AP3D1: variants seen among roughly 807,000 people sequenced by gnomAD.
AP3D1 encodes AP-3 complex subunit delta-1.
In AP3D1, 51 loss-of-function variants were observed where a neutral mutation model predicts 147.6. The observed-to-expected ratio is 0.35, with a 90% CI of 0.28 to 0.44. The LOEUF is 0.44. AP3D1 is among the 20% of genes least tolerant of loss of function. The pLI is 1.00. For synonymous variants in AP3D1, 760 were observed against 663.0 expected, an observed-to-expected ratio of 1.15 and a Z score of -2.25; for missense variants, 1,421 against 1,624.2, an observed-to-expected ratio of 0.87 and a Z score of 2.15.
intron 1 of AP3D1, among the ~76,000 whole-genome samples, chr19:2,160,374 C>G (rs983414538): frequency 1.3e-5 from 2 of 152,048 alleles, no homozygotes; most frequent in Non-Finnish European, 2.9e-5. Flanking sequence ...ACTAAAAATA[C>G]AAAAATCAGC....
At chr19:2,150,056 G>A (rs1225891798) in intron 1 of AP3D1, among the ~76,000 whole-genome samples, 1 of 152,220 alleles carries the variant, frequency 6.6e-6, no homozygotes, top group East Asian at 1.9e-4. Context: ...GGGGGCAGGC[G>A]AAGCCACACC....
chr19:2,111,142 G>A, intron 26 of AP3D1, 143 bp downstream of exon 26: 2 of 1,129,782 alleles, frequency 1.8e-6, no homozygotes, highest in Non-Finnish European at 2.5e-6. Context: ...CAGAGGTGCT[G>A]CCCAAGCAAC....
At position 2,127,408 on chromosome 19, in the gene AP3D1, C is replaced by T. The variant is rs372118243; in HGVS notation, c.807-207G>A. On this transcript the variant is annotated intron_variant, in intron 8 of 31. Transcript: ENST00000643116. Reference sequence around the variant, plus strand: ...TCCCAGAAAGGGCAGGTGAGCAATCCCTCTGCAACTGCAGGCCCGTGACAG... The same window carrying T: ...TCCCAGAAAGGGCAGGTGAGCAATCTCTCTGCAACTGCAGGCCCGTGACAG... 3.7e-4 allele frequency among the ~76,000 whole-genome samples: 57 copies of T among 152,366 alleles called. 1 individual carries two copies. The highest frequency in any genetic ancestry group is 1.1e-3 in the African/African-American group (45 of 41,586).
chr19:2,113,416 G>A lies in AP3D1; in HGVS notation c.2602-3C>T. The A allele has an allele frequency of 6.8e-7, 1 of 1,466,928 alleles. No homozygotes were observed. The highest frequency in any genetic ancestry group is 9.0e-7 in the Non-Finnish European group (1 of 1,110,104). The allele number at this position is 1,466,928 out of a possible 1,614,324, so 90.9% of individuals were successfully genotyped here. A position where few individuals can be genotyped will look rare whatever the true frequency, so the allele number is the denominator to read the frequency against. ...AGCCAGAAGTCCAGGTCCTCAGCCTGAAACCACAAGACAGGCTGTCAGCAA... is the reference window on the plus strand; with the variant it reads ...AGCCAGAAGTCCAGGTCCTCAGCCTAAAACCACAAGACAGGCTGTCAGCAA... On this transcript the variant is annotated splice_region_variant and splice_polypyrimidine_tract_variant and intron_variant, in intron 22 of 31. Coordinates refer to ENST00000643116, the MANE Select transcript of AP3D1 (RefSeq NM_001261826.3).
intron 1 of AP3D1, among the ~76,000 whole-genome samples, chr19:2,160,248 C>T (rs111714803): frequency 0.04 from 6,047 of 152,230 alleles, 396 homozygotes; most frequent in African/African-American, 0.14. Flanking sequence ...TGGGAGGAGG[C>T]CAGGTGTGGT....
At chr19:2,155,267 A>G (rs987951127), upstream of AP3D1, among the ~76,000 whole-genome samples, 23 of 152,036 alleles carry the variant, frequency 1.5e-4, no homozygotes, top group Non-Finnish European at 2.9e-4. Context: ...AGGCTGAGGC[A>G]GGAGAATAGC....
chr19:2,116,787 G>C, intron 16 of AP3D1, 41 bp from the exon 17 acceptor site: 1 of 1,559,092 alleles, frequency 6.4e-7, no homozygotes, highest in Non-Finnish European at 8.7e-7. Context: ...GTGTGTGACC[G>C]AGCACGCGCC....
intron 21 of AP3D1, 126 bp downstream of exon 21, chr19:2,114,622 G>GGCCCCCCCCC: frequency 4.5e-6 from 3 of 665,748 alleles, no homozygotes; most frequent in Admixed American, 2.3e-5. Flanking sequence ...TCTGGGGAAG[G>GGCCCCCCCCC]CCCGCCCGCA....
chr19:2,121,080 G>C lies in AP3D1; in HGVS notation c.1263C>G (p.Ile421Met). Residue 421 changes from isoleucine to methionine, a missense_variant, in exon 14 of 32, where the codon ATC becomes ATG. Physicochemically the swap from Ile to Met is conservative, Grantham distance 10. Coordinates refer to ENST00000643116, the MANE Select transcript of AP3D1 (RefSeq NM_001261826.3). ...YITNFEWYIS[I>M]LVELTRLEGT... ...CCTCCAGCCGGGTCAGCTCCACCAG[G>C]ATGCTGATGTACCTGTGGGGCAGAG... 6.2e-7 allele frequency: 1 copy of C among 1,613,774 alleles called. No homozygotes were observed. The highest frequency in any genetic ancestry group is 8.5e-7 in the Non-Finnish European group (1 of 1,179,960).
chr19:2,124,637 G>A (rs1033869049), intron 9 of AP3D1, among the ~76,000 whole-genome samples: 6 of 152,234 alleles, frequency 3.9e-5, no homozygotes, highest in South Asian at 2.1e-4. Context: ...CTATGAGGAC[G>A]CAAAAGCATA....
chr19:2,112,755 C>A, intron 24 of AP3D1, 105 bp downstream of exon 24: 1 of 812,940 alleles, frequency 1.2e-6, no homozygotes. Context: ...AATGCGAGAG[C>A]AGGGCTGCCC....
intron 1 of AP3D1, among the ~76,000 whole-genome samples, chr19:2,159,934 T>C (rs2019682428): frequency 6.6e-6 from 1 of 152,078 alleles, no homozygotes; most frequent in South Asian, 2.1e-4. Flanking sequence ...GCCAGAATGG[T>C]CTCGATCTCC....
At chr19:2,153,111 A>C (rs987148473), upstream of AP3D1, among the ~76,000 whole-genome samples, 1 of 151,176 alleles carries the variant, frequency 6.6e-6, no homozygotes, top group Non-Finnish European at 1.5e-5. Flanking sequence ...CAGTGGTTCA[A>C]ACCAGTAATT....
At chr19:2,130,261 G>T in intron 6 of AP3D1, 147 bp downstream of exon 6, 2 of 1,289,288 alleles carry the variant, frequency 1.6e-6, no homozygotes, top group Non-Finnish European at 2.1e-6. Context: ...CCAGCAAGGG[G>T]AGGCCCAGCC....
intron 15 of AP3D1, among the ~76,000 whole-genome samples, 170 bp from the exon 16 acceptor site, chr19:2,117,537 G>A (rs1205759479): frequency 3.9e-5 from 6 of 152,178 alleles, no homozygotes; most frequent in Admixed American, 3.3e-4. Flanking sequence ...CATCATCCTC[G>A]CCAGGAAGCG....
chr19:2,155,141 A>C (rs1048939967), upstream of AP3D1, among the ~76,000 whole-genome samples: 2 of 151,136 alleles, frequency 1.3e-5, no homozygotes, highest in South Asian at 2.1e-4. Flanking sequence ...AGATCGCGCC[A>C]TTGCACTCCA....
chr19:2,109,459 G>T lies in AP3D1; in HGVS notation c.3351-252C>A, dbSNP rs561612113. ...GAAGCCATGGGATGGGCCCTCCTCC[G>T]ACAAGGACGGATGTCCTGTAGGAAG... is the stretch of plus-strand genomic sequence containing the variant. On this transcript the variant is annotated intron_variant, in intron 29 of 31. Transcript: ENST00000643116. 5 of 519,142 alleles carry T rather than the reference G, an allele frequency of 9.6e-6. No individual in the cohort carries two copies. In the East Asian group the frequency reaches 1.0e-4, roughly 10 times the overall value. 32.2% of individuals were successfully genotyped at this position (519,142 alleles called of 1,614,324 possible).
At chr19:2,149,969 G>A (rs1292000804) in intron 1 of AP3D1, among the ~76,000 whole-genome samples, 3 of 152,234 alleles carry the variant, frequency 2.0e-5, no homozygotes, top group South Asian at 4.1e-4. Context: ...CAGTTAGGGA[G>A]AGCTTCTGAG....
At chr19:2,164,415 T>G in exon 1 of AP3D1, 60 of 443,338 alleles carry the variant, frequency 1.4e-4, no homozygotes, top group Non-Finnish European at 1.6e-4. Context: ...CCCCCGTTGC[T>G]TCCCGGCCGA....
Sources: allele counts gnomAD v4.1 joint callset (sites outside exome capture counted in the v4.1 genomes callset), GRCh38; gene constraint gnomAD v4.1.1; transcripts MANE v1.5; gene names NCBI Gene and HGNC (gene_info 2026-07-23, HGNC 2026-07-21).